CTXND2: variants seen among roughly 807,000 people sequenced by gnomAD.
CTXND2 encodes the protein cortexin domain containing 2.
intron 1 of CTXND2, among the ~76,000 whole-genome samples, chr1:150,900,790 G>A (rs1669004789): frequency 6.6e-6 from 1 of 152,094 alleles, no homozygotes; most frequent in Non-Finnish European, 1.5e-5. Context: ...TAGAAAAAGA[G>A]ACAAAATACA....
intron 1 of CTXND2, among the ~76,000 whole-genome samples, chr1:150,896,622 C>G (rs1390114119): frequency 1.3e-5 from 2 of 152,190 alleles, no homozygotes; most frequent in Non-Finnish European, 1.5e-5. Context: ...TACTATAACA[C>G]TATTTCCTTT....
chr1:150,900,520 G>A (rs1185819094), intron 1 of CTXND2, among the ~76,000 whole-genome samples: 1 of 152,102 alleles, frequency 6.6e-6, no homozygotes, highest in Non-Finnish European at 1.5e-5. Flanking sequence ...CACAATGGTA[G>A]GCACCTGTAA....
intron 1 of CTXND2, among the ~76,000 whole-genome samples, chr1:150,899,097 C>CAAAT (rs71090107): frequency 0.071 from 8,535 of 119,526 alleles, 308 homozygotes; most frequent in Non-Finnish European, 0.092. Flanking sequence ...GACTCCGTCT[C>CAAAT]AAATAAATAA....
exon 2 of CTXND2, chr1:150,912,563 G>A (rs1408369165): frequency 4.0e-5 from 16 of 397,594 alleles, no homozygotes; most frequent in Admixed American, 1.3e-4. Context: ...TCACCTCCCT[G>A]TTTCTCAGCC....
chr1:150,899,507 C>T (rs587658117), intron 1 of CTXND2, among the ~76,000 whole-genome samples: 1 of 151,912 alleles, frequency 6.6e-6, no homozygotes, highest in Non-Finnish European at 1.5e-5. Flanking sequence ...TGAAACCATA[C>T]AAATAGTAAA....
intron 1 of CTXND2, among the ~76,000 whole-genome samples, chr1:150,900,715 G>A (rs1258867829): frequency 6.6e-6 from 1 of 152,072 alleles, no homozygotes; most frequent in East Asian, 1.9e-4. Flanking sequence ...ATATATGAAG[G>A]GGTAATATCC....
intron 1 of CTXND2, among the ~76,000 whole-genome samples, chr1:150,905,414 G>A (rs1358346697): frequency 6.6e-6 from 1 of 151,958 alleles, no homozygotes; most frequent in African/African-American, 2.4e-5. Flanking sequence ...CCAAAGTGCT[G>A]GGATTATAGG....
intron 1 of CTXND2, among the ~76,000 whole-genome samples, chr1:150,897,173 T>C (rs1340349125): frequency 6.6e-6 from 1 of 152,200 alleles, no homozygotes; most frequent in Non-Finnish European, 1.5e-5. Flanking sequence ...ATCAGATGAC[T>C]GATCAATTTG....
chr1:150,911,082 G>A (rs1338261872), intron 1 of CTXND2, among the ~76,000 whole-genome samples: 1 of 151,968 alleles, frequency 6.6e-6, no homozygotes, highest in Non-Finnish European at 1.5e-5. Context: ...GGGCTTACAG[G>A]CATGAGCCAT....
At chr1:150,904,635 A>C (rs767676071) in intron 1 of CTXND2, among the ~76,000 whole-genome samples, 1 of 152,230 alleles carries the variant, frequency 6.6e-6, no homozygotes, top group Non-Finnish European at 1.5e-5. Flanking sequence ...TTTTGTGTCC[A>C]TAAAGGCAAG....
chr1:150,901,195 T>G (rs1669021490), intron 1 of CTXND2, among the ~76,000 whole-genome samples: 1 of 121,852 alleles, frequency 8.2e-6, no homozygotes, highest in African/African-American at 2.6e-5. Context: ...AGAAAAGCAA[T>G]GCAAAATGTA....
intron 1 of CTXND2, among the ~76,000 whole-genome samples, chr1:150,887,576 C>T (rs888845149): frequency 6.6e-5 from 10 of 151,950 alleles, no homozygotes; most frequent in East Asian, 5.8e-4. Flanking sequence ...GAGCTTTTTA[C>T]GAAAAGTTAA....
chr1:150,907,369 G>A lies in CTXND2; in HGVS notation c.-73-4873G>A, dbSNP rs587614659. Among the ~76,000 whole-genome samples, 4 of 152,156 alleles carry A rather than the reference G, an allele frequency of 2.6e-5. No homozygotes were observed. The South Asian group carries it at 8.3e-4, about 32-fold the overall frequency. On this transcript the variant is annotated intron_variant, in intron 1 of 1. Transcript: ENST00000636087. Reference sequence around the variant, plus strand: ...TCCAGCTCTAAGCAACCACTAATCTGTCTCTATAGATTTCTCTATTCTAGA... The same window carrying A: ...TCCAGCTCTAAGCAACCACTAATCTATCTCTATAGATTTCTCTATTCTAGA...
At chr1:150,899,558 A>T (rs1668965115) in intron 1 of CTXND2, among the ~76,000 whole-genome samples, 1 of 152,228 alleles carries the variant, frequency 6.6e-6, no homozygotes. Context: ...ATGTGGAGAA[A>T]ATTTTTCTAA....
chr1:150,901,690 A>C (rs955705216), intron 1 of CTXND2, among the ~76,000 whole-genome samples: 1 of 149,768 alleles, frequency 6.7e-6, no homozygotes, highest in South Asian at 2.1e-4. Flanking sequence ...CGAGGCGGGC[A>C]GATCATGAGG....
At chr1:150,901,153 G>A (rs1669019667) in intron 1 of CTXND2, among the ~76,000 whole-genome samples, 1 of 152,016 alleles carries the variant, frequency 6.6e-6, no homozygotes, top group African/African-American at 2.4e-5. Flanking sequence ...TCCCACTTAA[G>A]ATAACAAAAG....
At chr1:150,888,779 C>G (rs1404170753) in intron 1 of CTXND2, among the ~76,000 whole-genome samples, 1 of 151,958 alleles carries the variant, frequency 6.6e-6, no homozygotes, top group Non-Finnish European at 1.5e-5. Context: ...CATCCTTGAC[C>G]TCCTGGGCTC....
chr1:150,899,889 T>C (rs1668970528), intron 1 of CTXND2, among the ~76,000 whole-genome samples: 1 of 152,154 alleles, frequency 6.6e-6, no homozygotes, highest in Non-Finnish European at 1.5e-5. Context: ...TCTGTCTAGC[T>C]AAAGGATTGT....
intron 1 of CTXND2, among the ~76,000 whole-genome samples, chr1:150,888,687 ATTATTTAT>A (rs587608698): frequency 4.0e-5 from 6 of 151,494 alleles, no homozygotes; most frequent in African/African-American, 1.5e-4. Flanking sequence ...AATGTATTTT[ATTATTTAT>A]TTATTTATTT....
Sources: gnomAD v4.1 joint callset for allele counts (sites outside exome capture counted in the v4.1 genomes callset) on GRCh38, gnomAD v4.1.1 for gene constraint, MANE v1.5 for transcripts, NCBI Gene and HGNC (gene_info 2026-07-23, HGNC 2026-07-21) for gene names.